Variants in SPOCK3 observed in about 807,000 individuals in gnomAD.
The protein encoded by SPOCK3 is testican-3.
SPOCK3 carries 30 observed loss-of-function variants against 56.6 expected under a neutral mutation model. That is an observed-to-expected ratio of 0.53 (90% CI 0.40 to 0.72). SPOCK3 has a LOEUF of 0.72. SPOCK3 is among the 30% of genes least tolerant of loss of function. The pLI is 0.00. For synonymous variants in SPOCK3, 196 were observed against 183.3 expected (o/e 1.07, Z -0.56); for missense variants, 527 against 530.0 (o/e 0.99, Z 0.06).
chr4:167,003,362 C>T (rs182504038), intron 3 of SPOCK3, among the ~76,000 whole-genome samples: 1 of 152,302 alleles, frequency 6.6e-6, no homozygotes, highest in African/African-American at 2.4e-5. Flanking sequence ...AGACCACTTT[C>T]TGTGCATGAG....
intron 6 of SPOCK3, among the ~76,000 whole-genome samples, chr4:166,851,559 G>A (rs1055643897): frequency 1.3e-5 from 2 of 152,144 alleles, no homozygotes; most frequent in Non-Finnish European, 2.9e-5. Flanking sequence ...CAAAGAAGTT[G>A]AAAACTTTGA....
chr4:167,029,498 G>A (rs560053881), intron 3 of SPOCK3, among the ~76,000 whole-genome samples: 1 of 151,962 alleles, frequency 6.6e-6, no homozygotes, highest in East Asian at 1.9e-4. Flanking sequence ...ATCTTTCTGT[G>A]TGTCTGTAAT....
rs137895507 is a variant in SPOCK3, at chr4:167,074,150, C to T, written c.190-11613G>A. Among the ~76,000 whole-genome samples, 1,104 of 151,924 alleles carry T rather than the reference C, an allele frequency of 7.3e-3. 23 individuals are homozygous for T. Among genetic ancestry groups the T allele is most frequent in the African/African-American group, 0.025 (1,033 of 41,470 alleles). On this transcript the variant is annotated intron_variant, in intron 2 of 10. Coordinates refer to ENST00000357545, the MANE Select transcript of SPOCK3 (RefSeq NM_001040159.2). Reference sequence around the variant, plus strand: ...GGAAGATAGTAGCTAACAACAGTTCCCCAGGAATCCACTTGAGTTTGCAGT... The same window carrying T: ...GGAAGATAGTAGCTAACAACAGTTCTCCAGGAATCCACTTGAGTTTGCAGT...
At chr4:166,755,966 T>C (rs1392387237) in intron 7 of SPOCK3, among the ~76,000 whole-genome samples, 1 of 7,672 alleles carries the variant, frequency 1.3e-4, no homozygotes, top group African/African-American at 4.9e-4. Flanking sequence ...TGCATTTCCA[T>C]CTGAGGTACC....
rs140957483 is a variant in SPOCK3 at position 166,913,778 on chromosome 4, G to GTCTCTCTCTCTC, written c.351-1047_351-1036dup. Among the ~76,000 whole-genome samples, 199 of 149,508 alleles carry GTCTCTCTCTCTC rather than the reference G, an allele frequency of 1.3e-3. 1 individual carries two copies. Among genetic ancestry groups the GTCTCTCTCTCTC allele is most frequent in the African/African-American group, 4.7e-3 (192 of 40,804 alleles). ...GGGCATTACACATAGATTATTTTCTGTCTCTCTCTCTCTCTCTCTCAAAGA... is the reference window on the plus strand; with the variant it reads ...GGGCATTACACATAGATTATTTTCTGTCTCTCTCTCTCTCTCTCTCTCTCTCTCTCTCAAAGA... On this transcript the variant is annotated intron_variant, in intron 4 of 10. Transcript: ENST00000357545.
At chr4:167,120,619 G>A (rs746429270) in intron 2 of SPOCK3, among the ~76,000 whole-genome samples, 3 of 152,012 alleles carry the variant, frequency 2.0e-5, no homozygotes, top group South Asian at 2.1e-4. Context: ...ATAATGAAGA[G>A]GATTTTTTTG....
chr4:167,125,637 C>T (rs2150371553), intron 2 of SPOCK3, among the ~76,000 whole-genome samples: 1 of 152,138 alleles, frequency 6.6e-6, no homozygotes, highest in Admixed American at 6.5e-5. Flanking sequence ...ATGGCGTGAA[C>T]CCGGGAGGCG....
intron 4 of SPOCK3, among the ~76,000 whole-genome samples, chr4:166,927,068 A>G (rs1052116052): frequency 3.3e-5 from 5 of 152,220 alleles, no homozygotes; most frequent in African/African-American, 1.2e-4. Context: ...ATGACAGAAA[A>G]CCTAATATGA....
chr4:166,892,667 C>A (rs17520532), intron 5 of SPOCK3, among the ~76,000 whole-genome samples: 10,797 of 151,900 alleles, frequency 0.071, 514 homozygotes, highest in Non-Finnish European at 0.1. Flanking sequence ...TCTATAATTA[C>A]CAAAAAATGC....
chr4:167,173,746 T>C (rs933040355), intron 2 of SPOCK3, among the ~76,000 whole-genome samples: 3 of 151,942 alleles, frequency 2.0e-5, no homozygotes, highest in Non-Finnish European at 2.9e-5. Flanking sequence ...AATCTCAGAG[T>C]ACAGTGAGAA....
chr4:167,113,386 T>TA (rs1761068165), intron 2 of SPOCK3, among the ~76,000 whole-genome samples: 1 of 151,724 alleles, frequency 6.6e-6, no homozygotes, highest in Non-Finnish European at 1.5e-5. Context: ...TTTTTTTTTT[T>TA]ACCATTAACT....
At chr4:166,787,224 A>G (rs1030168604) in intron 7 of SPOCK3, among the ~76,000 whole-genome samples, 4 of 152,218 alleles carry the variant, frequency 2.6e-5, no homozygotes, top group East Asian at 3.8e-4. Flanking sequence ...AATTGGAGAT[A>G]AAGATTCATC....
chr4:167,117,080 G>C (rs1421438286), intron 2 of SPOCK3, among the ~76,000 whole-genome samples: 3 of 151,232 alleles, frequency 2.0e-5, no homozygotes, highest in Non-Finnish European at 4.4e-5. Context: ...AGAAAAACTG[G>C]AATGCTCCCA....
At chr4:167,151,161 A>C (rs762508339) in intron 2 of SPOCK3, among the ~76,000 whole-genome samples, 14 of 152,188 alleles carry the variant, frequency 9.2e-5, no homozygotes, top group Non-Finnish European at 1.5e-4. Context: ...GCTAAATTAG[A>C]GTCTCTGGGG....
intron 3 of SPOCK3, among the ~76,000 whole-genome samples, chr4:167,027,023 C>A (rs1365854647): frequency 1.3e-5 from 2 of 151,828 alleles, no homozygotes; most frequent in Non-Finnish European, 2.9e-5. Context: ...ATCCCCAAAT[C>A]TTTTCTTTCA....
Position 167,220,379 on chromosome 4 carries a change from T to TC in SPOCK3, c.189+13605_189+13606insG, listed in dbSNP as rs948270986. On this transcript the variant is annotated intron_variant, in intron 2 of 10. Coordinates refer to ENST00000357545, the MANE Select transcript of SPOCK3 (RefSeq NM_001040159.2). ...TCCAAACAACAGATACTGTAAGAAC[T>TC]TTTTTTTTTTTTTTTTTGAGACAGG... 3.6e-3 allele frequency among the ~76,000 whole-genome samples: 14 copies of TC among 3,938 alleles called. No individual in the cohort carries two copies. The South Asian group carries it at 0.093, about 26-fold the overall frequency. The allele number at this position is 3,938 out of a possible 152,430, so 2.6% of individuals were successfully genotyped here.
chr4:166,761,737 G>A (rs377368760), intron 7 of SPOCK3, among the ~76,000 whole-genome samples: 996 of 6,778 alleles, frequency 0.15, 262 homozygotes, highest in Non-Finnish European at 0.21. Flanking sequence ...ACACTCTGGG[G>A]ACTGTGGTGG....
chr4:166,848,644 A>C (rs548021872), intron 6 of SPOCK3, among the ~76,000 whole-genome samples: 2 of 152,334 alleles, frequency 1.3e-5, no homozygotes, highest in South Asian at 4.1e-4. Context: ...TGTATGTACT[A>C]ACAGAATATA....
intron 6 of SPOCK3, among the ~76,000 whole-genome samples, chr4:166,866,778 G>A (rs1731888174): frequency 6.6e-6 from 1 of 151,982 alleles, no homozygotes; most frequent in South Asian, 2.1e-4. Context: ...ATGAGCTAAT[G>A]AAATACCTGC....
Sources: allele counts gnomAD v4.1 joint callset (sites outside exome capture counted in the v4.1 genomes callset), GRCh38; gene constraint gnomAD v4.1.1; transcripts MANE v1.5; gene names NCBI Gene and HGNC (gene_info 2026-07-23, HGNC 2026-07-21).